The following CCDC73 variants were observed in gnomAD, a reference collection of about 807,000 sequenced individuals.
CCDC73 encodes the protein coiled-coil domain-containing protein 73.
A neutral mutation model predicts 116.5 loss-of-function variants in CCDC73; 95 were observed. The observed-to-expected ratio is 0.82, with a 90% CI of 0.69 to 0.97. The LOEUF (loss-of-function observed/expected upper bound fraction) is 0.97. Among genes scored for constraint, CCDC73 ranks in the 50% least tolerant of loss-of-function variants. The probability of loss-of-function intolerance (pLI) is 0.00; values close to 1 mark genes in which losing one functional copy is unlikely to be tolerated. For synonymous variants in CCDC73, 398 were observed against 401.3 expected, an observed-to-expected ratio of 0.99 and a Z score of 0.10; for missense variants, 1,066 against 1,206.8, an observed-to-expected ratio of 0.88 and a Z score of 1.73.
intron 14 of CCDC73, among the ~76,000 whole-genome samples, chr11:32,632,819 T>C (rs1023518460): frequency 6.6e-6 from 1 of 152,124 alleles, no homozygotes; most frequent in Non-Finnish European, 1.5e-5. Flanking sequence ...CTACATATCA[T>C]AGTTTGTGGG....
intron 14 of CCDC73, among the ~76,000 whole-genome samples, chr11:32,629,813 G>T (rs1476687722): frequency 7.6e-6 from 1 of 131,898 alleles, no homozygotes; most frequent in Non-Finnish European, 1.6e-5. Flanking sequence ...ATTAATGAAA[G>T]AAAAATTATC....
At chr11:32,755,536 AATATATATAT>A (rs375204188) in intron 2 of CCDC73, among the ~76,000 whole-genome samples, 7 of 59,916 alleles carry the variant, frequency 1.2e-4, no homozygotes, top group South Asian at 1.2e-3. Flanking sequence ...TCCATCTCAA[AATATATATAT>A]ATATATATAT....
chr11:32,746,250 T>G (rs1027271846), intron 2 of CCDC73, among the ~76,000 whole-genome samples: 3 of 152,216 alleles, frequency 2.0e-5, no homozygotes, highest in Admixed American at 6.5e-5. Context: ...GTTGAATATT[T>G]GCCCCCACTC....
chr11:32,676,239 G>T (rs1856087938), intron 7 of CCDC73, among the ~76,000 whole-genome samples: 1 of 152,130 alleles, frequency 6.6e-6, no homozygotes. Context: ...TATTTTTCCT[G>T]TAGCAAAATA....
At chr11:32,645,178 A>C (rs1468273404) in intron 12 of CCDC73, among the ~76,000 whole-genome samples, 2 of 152,166 alleles carry the variant, frequency 1.3e-5, no homozygotes, top group Non-Finnish European at 2.9e-5. Flanking sequence ...CTTCAGGGAC[A>C]GTAATACCCA....
intron 7 of CCDC73, chr11:32,682,528 G>A (rs1386823136): frequency 6.6e-6 from 1 of 151,772 alleles, no homozygotes; most frequent in Non-Finnish European, 1.5e-5. Context: ...ATGTCAGAAG[G>A]GGTGATAGTT....
At chr11:32,730,761 T>G (rs952385488) in intron 2 of CCDC73, among the ~76,000 whole-genome samples, 1 of 152,182 alleles carries the variant, frequency 6.6e-6, no homozygotes, top group Non-Finnish European at 1.5e-5. Context: ...CTGTGTATAA[T>G]TAGCTGCTAA....
chr11:32,745,855 C>G (rs1444900126), intron 2 of CCDC73, among the ~76,000 whole-genome samples: 3 of 150,854 alleles, frequency 2.0e-5, no homozygotes, highest in Admixed American at 1.3e-4. Flanking sequence ...ATACAACACA[C>G]TGATGGGTCT....
At position 32,654,913 on chromosome 11, in the gene CCDC73, C is replaced by T. The variant is rs2133263184; in HGVS notation, c.705G>A (p.Met235Ile). Residue 235 changes from methionine to isoleucine, a missense_variant, in exon 10 of 18, where the codon ATG becomes ATA. Transcript: ENST00000335185. ...TTGTTAGATTGATGTTTTCTTCTCC[C>T]ATCTTATATTGACATGTGACTTTGG... ...IKSKVTCQYK[M>I]GEENINLTIK... The T allele has an allele frequency of 6.2e-7, 1 of 1,602,682 alleles. No homozygotes were observed. Among genetic ancestry groups the T allele is most frequent in the East Asian group, 2.2e-5 (1 of 44,522 alleles).
chr11:32,770,438 G>C (rs1282358487), intron 1 of CCDC73, among the ~76,000 whole-genome samples: 1 of 152,082 alleles, frequency 6.6e-6, no homozygotes, highest in Non-Finnish European at 1.5e-5. Context: ...GTAGATACAC[G>C]ATGGGAAGAA....
In CCDC73 at chr11:32,674,257, T is replaced by G. The variant is rs528157783; in HGVS notation, c.645+1308A>C. 8.5e-5 allele frequency among the ~76,000 whole-genome samples: 13 copies of G among 152,358 alleles called. No individual in the cohort carries two copies. The South Asian group carries it at 2.3e-3, about 27-fold the overall frequency. On this transcript the variant is annotated intron_variant, in intron 9 of 17. Transcript: ENST00000335185. Reference sequence around the variant, plus strand: ...TTTCAAAATATTTATGGAGTGCCAGTAAGCATAGGTACTTAATTCTCTCAG... The same window carrying G: ...TTTCAAAATATTTATGGAGTGCCAGGAAGCATAGGTACTTAATTCTCTCAG...
intron 1 of CCDC73, among the ~76,000 whole-genome samples, chr11:32,767,941 A>T (rs1198970253): frequency 6.6e-6 from 1 of 152,208 alleles, no homozygotes; most frequent in Admixed American, 6.5e-5. Flanking sequence ...AGAACTAGAA[A>T]TACCATTTGA....
In CCDC73 at chr11:32,613,703, T is replaced by C; in HGVS notation, c.2615A>G (p.Glu872Gly). The change falls in exon 16 of 18, where the codon GAG becomes GGG. Residue 872 changes from glutamate to glycine, a missense_variant. Transcript: ENST00000335185. Reference sequence around the variant, plus strand: ...TCTGTTTACTAAATCTCCAGATGGCTCTATGTGAAATGAATGTGATTCCTC... The same window carrying C: ...TCTGTTTACTAAATCTCCAGATGGCCCTATGTGAAATGAATGTGATTCCTC... ...QLEESHSFHI[E>G]PSGDLVNRSG... is the part of the protein sequence containing the mutation. The C allele has an allele frequency of 1.2e-6, 2 of 1,614,124 alleles. No individual in the cohort carries two copies. Among genetic ancestry groups the C allele is most frequent in the Non-Finnish European group, 1.7e-6 (2 of 1,180,000 alleles).
At chr11:32,703,305 C>T (rs1010722730) in intron 3 of CCDC73, among the ~76,000 whole-genome samples, 4 of 152,068 alleles carry the variant, frequency 2.6e-5, no homozygotes, top group Admixed American at 2.6e-4. Flanking sequence ...CCAGGCTAGT[C>T]TCAAACTCCT....
At chr11:32,667,102 C>T (rs558314922) in intron 9 of CCDC73, among the ~76,000 whole-genome samples, 81 of 152,324 alleles carry the variant, frequency 5.3e-4, no homozygotes, top group African/African-American at 1.8e-3. Context: ...TTAGGCTACT[C>T]GGAGGTCAGG....
At chr11:32,767,151 C>T (rs1285130515) in intron 1 of CCDC73, among the ~76,000 whole-genome samples, 3 of 152,132 alleles carry the variant, frequency 2.0e-5, no homozygotes, top group East Asian at 3.9e-4. Context: ...GAACAGAGCC[C>T]TCAGAAATAA....
At chr11:32,682,058 A>G (rs1856150435) in intron 7 of CCDC73, 1 of 151,926 alleles carries the variant, frequency 6.6e-6, no homozygotes, top group Non-Finnish European at 1.5e-5. Flanking sequence ...GTAATTCACA[A>G]TAACAAAAAG....
chr11:32,609,664 T>C (rs749522062), intron 17 of CCDC73, among the ~76,000 whole-genome samples: 1 of 152,184 alleles, frequency 6.6e-6, no homozygotes, highest in Non-Finnish European at 1.5e-5. Flanking sequence ...ACTGTATTAG[T>C]TTATTTTCAC....
chr11:32,728,599 T>C (rs561892201), intron 2 of CCDC73, among the ~76,000 whole-genome samples: 16 of 152,262 alleles, frequency 1.1e-4, no homozygotes, highest in African/African-American at 3.6e-4. Context: ...AGCTAGAAAA[T>C]ATATGTATAT....
Sources: allele counts gnomAD v4.1 joint callset (sites outside exome capture counted in the v4.1 genomes callset), GRCh38; gene constraint gnomAD v4.1.1; transcripts MANE v1.5; gene names NCBI Gene and HGNC (gene_info 2026-07-23, HGNC 2026-07-21).